Variants in LRMDA observed in about 807,000 individuals in gnomAD.
The protein encoded by LRMDA is leucine rich melanocyte differentiation associated.
In LRMDA, 18 loss-of-function variants were observed where a neutral mutation model predicts 29.8. The ratio of observed to expected loss-of-function variants is 0.60; its 90% CI spans 0.42 to 0.90. LRMDA has a LOEUF of 0.90. Among genes scored for constraint, LRMDA ranks in the 40% least tolerant of loss-of-function variants. The probability of loss-of-function intolerance (pLI) is 0.00; values close to 1 mark genes in which losing one functional copy is unlikely to be tolerated. For synonymous variants in LRMDA, 125 were observed against 109.4 expected, an observed-to-expected ratio of 1.14 and a Z score of -0.89; for missense variants, 273 against 273.9, an observed-to-expected ratio of 1.00 and a Z score of 0.02.
chr10:76,526,163 C>T (rs1843172319), intron 6 of LRMDA, among the ~76,000 whole-genome samples: 1 of 152,156 alleles, frequency 6.6e-6, no homozygotes, highest in African/African-American at 2.4e-5. Context: ...AAGGAACTCT[C>T]TCAAATCATG....
intron 2 of LRMDA, among the ~76,000 whole-genome samples, chr10:75,928,805 G>T (rs987895260): frequency 7.9e-5 from 12 of 152,028 alleles, no homozygotes; most frequent in Non-Finnish European, 1.3e-4. Flanking sequence ...CTAAAGGAAG[G>T]GTGTTTTCTG....
intron 2 of LRMDA, among the ~76,000 whole-genome samples, chr10:75,645,876 T>C (rs1242101481): frequency 6.6e-6 from 1 of 152,166 alleles, no homozygotes; most frequent in African/African-American, 2.4e-5. Context: ...CTCATCCTTC[T>C]CTGTGTCCTG....
chr10:75,715,383 TA>T (rs944959683), intron 2 of LRMDA, among the ~76,000 whole-genome samples: 55 of 151,530 alleles, frequency 3.6e-4, no homozygotes, highest in Non-Finnish European at 4.7e-4. Context: ...AACTTCTGAA[TA>T]AAAAAAAATC....
intron 2 of LRMDA, chr10:75,782,796 C>A: frequency 2.1e-6 from 3 of 1,423,478 alleles, no homozygotes; most frequent in South Asian, 3.1e-5. Context: ...AGACCCGCAA[C>A]TTTCACTTGT....
At chr10:76,486,353 A>T (rs1428519453) in intron 6 of LRMDA, among the ~76,000 whole-genome samples, 3 of 151,830 alleles carry the variant, frequency 2.0e-5, no homozygotes, top group Non-Finnish European at 4.4e-5. Flanking sequence ...TTCATCTAGG[A>T]CTTGGGCCAT....
chr10:75,907,253 G>C (rs978329201), intron 2 of LRMDA, among the ~76,000 whole-genome samples: 2 of 152,138 alleles, frequency 1.3e-5, no homozygotes, highest in Non-Finnish European at 2.9e-5. Flanking sequence ...TAAAGGTTTA[G>C]TGTATATAAA....
At chr10:75,484,638 T>C (rs1844890914) in intron 2 of LRMDA, among the ~76,000 whole-genome samples, 1 of 152,158 alleles carries the variant, frequency 6.6e-6, no homozygotes, top group Admixed American at 6.5e-5. Context: ...AGGAAGGTAA[T>C]TAAGGTTAAA....
At chr10:75,904,832 C>A (rs1845732474) in intron 2 of LRMDA, among the ~76,000 whole-genome samples, 1 of 152,116 alleles carries the variant, frequency 6.6e-6, no homozygotes, top group Admixed American at 6.5e-5. Context: ...ATTCTCGTGA[C>A]CTGTGTGGCT....
chr10:76,067,200 A>T (rs1346934871), intron 5 of LRMDA, among the ~76,000 whole-genome samples: 3 of 152,172 alleles, frequency 2.0e-5, no homozygotes, highest in Non-Finnish European at 4.4e-5. Context: ...CTTACCTCAA[A>T]GCCCCTGTCC....
At chr10:75,880,999 A>T (rs9415124) in intron 2 of LRMDA, among the ~76,000 whole-genome samples, 35,875 of 152,006 alleles carry the variant, frequency 0.24, 4,610 homozygotes, top group Middle Eastern at 0.46. Flanking sequence ...TTTCTTGAAG[A>T]TGTTCTTACC....
chr10:76,058,480 G>A (rs1248920749), intron 4 of LRMDA, among the ~76,000 whole-genome samples, 186 bp from the exon 5 acceptor site: 1 of 152,180 alleles, frequency 6.6e-6, no homozygotes, highest in Non-Finnish European at 1.5e-5. Context: ...ATGTGTGTAA[G>A]ATAGAATCAT....
chr10:75,550,400 A>G (rs1448318248), intron 2 of LRMDA, among the ~76,000 whole-genome samples: 1 of 152,114 alleles, frequency 6.6e-6, no homozygotes, highest in African/African-American at 2.4e-5. Context: ...TACATTAGTT[A>G]TATCTTCTTG....
chr10:76,387,795 A>G (rs1841678096), intron 6 of LRMDA, among the ~76,000 whole-genome samples: 3 of 152,226 alleles, frequency 2.0e-5, no homozygotes, highest in Non-Finnish European at 4.4e-5. Flanking sequence ...TGTGCTTATA[A>G]TAACAAGTGG....
intron 2 of LRMDA, among the ~76,000 whole-genome samples, chr10:75,707,934 A>G (rs1842389957): frequency 6.6e-6 from 1 of 152,126 alleles, no homozygotes; most frequent in African/African-American, 2.4e-5. Context: ...GATTATTTAA[A>G]TGTTTATCCT....
chr10:75,772,869 T>TGGGGGGGGGGGGGGGGGGGG (rs1554824987), intron 2 of LRMDA, among the ~76,000 whole-genome samples: 1 of 49,758 alleles, frequency 2.0e-5, no homozygotes, highest in Non-Finnish European at 4.4e-5. Context: ...GGGGGTGGGA[T>TGGGGGGGGGGGGGGGGGGGG]GGGGGGGGGC....
At chr10:76,516,594 GT>G (rs562316230) in intron 6 of LRMDA, among the ~76,000 whole-genome samples, 159 of 150,728 alleles carry the variant, frequency 1.1e-3, no homozygotes, top group African/African-American at 2.0e-3. Flanking sequence ...AACATGCAGT[GT>G]TTTTTTTTGT....
intron 6 of LRMDA, among the ~76,000 whole-genome samples, chr10:76,411,853 C>G (rs1841964878): frequency 6.6e-6 from 1 of 152,194 alleles, no homozygotes; most frequent in South Asian, 2.1e-4. Flanking sequence ...CAAATATAAC[C>G]AGGGTAGAGC....
At chr10:76,471,376 T>C (rs1419811196) in intron 6 of LRMDA, among the ~76,000 whole-genome samples, 1 of 151,710 alleles carries the variant, frequency 6.6e-6, no homozygotes, top group Non-Finnish European at 1.5e-5. Flanking sequence ...AGCATATATC[T>C]GAAAGAGATT....
chr10:75,676,455 A>T (rs1463704171), intron 2 of LRMDA, among the ~76,000 whole-genome samples: 5 of 152,150 alleles, frequency 3.3e-5, no homozygotes, highest in Non-Finnish European at 5.9e-5. Flanking sequence ...CAGCTCCTGG[A>T]GGACTTTCTT....
Sources: gnomAD v4.1 joint callset for allele counts (sites outside exome capture counted in the v4.1 genomes callset) on GRCh38, gnomAD v4.1.1 for gene constraint, MANE v1.5 for transcripts, NCBI Gene and HGNC (gene_info 2026-07-23, HGNC 2026-07-21) for gene names.